AGAP1: variants seen among roughly 807,000 people sequenced by gnomAD.
AGAP1 encodes ArfGAP with GTPase domain, ankyrin repeat and PH domain 1.
A neutral mutation model predicts 105.3 loss-of-function variants in AGAP1; 29 were observed. The observed-to-expected ratio is 0.28, with a 90% CI of 0.21 to 0.38. The LOEUF is 0.38. AGAP1 is among the 10% of genes least tolerant of loss of function. AGAP1 has a pLI of 1.00. For synonymous variants in AGAP1, 509 were observed against 485.9 expected (o/e 1.05, Z -0.63); for missense variants, 998 against 1,165.1 (o/e 0.86, Z 2.09).
chr2:235,688,434 C>G (rs879708799), intron 1 of AGAP1, among the ~76,000 whole-genome samples: 7 of 152,152 alleles, frequency 4.6e-5, no homozygotes, highest in Non-Finnish European at 1.0e-4. Flanking sequence ...CCTCCACTCA[C>G]TCACCTCTCA....
At chr2:235,677,906 C>CAAAAAAAAAAA (rs61111847) in intron 1 of AGAP1, among the ~76,000 whole-genome samples, 1 of 62,998 alleles carries the variant, frequency 1.6e-5, no homozygotes, top group African/African-American at 4.6e-5. Flanking sequence ...AGCTCTTTAC[C>CAAAAAAAAAAA]AAAAAAAAAA....
At chr2:235,783,352 A>G (rs1271745865) in intron 6 of AGAP1, 3 of 471,268 alleles carry the variant, frequency 6.4e-6, no homozygotes, top group Non-Finnish European at 8.8e-6. Context: ...TTAATGTTCT[A>G]AAAGCTCTTT....
chr2:235,595,610 C>T (rs1433147908), intron 1 of AGAP1, among the ~76,000 whole-genome samples: 2 of 152,170 alleles, frequency 1.3e-5, no homozygotes, highest in East Asian at 1.9e-4. Flanking sequence ...TTCCAGCAGC[C>T]ACCAGCAGGT....
At position 235,642,901 on chromosome 2, in the gene AGAP1, G is replaced by A. The variant is rs143349740; in HGVS notation, c.164-66278G>A. Among the ~76,000 whole-genome samples the A allele has an allele frequency of 4.6e-5, 7 of 152,314 alleles. No homozygotes were observed. The East Asian group carries it at 9.7e-4, about 21-fold the overall frequency. ...GGCCTAGACTGTGGTGTTTGGGGCCGCCTGTCTGTAATGTGCTGCCATGAC... is the reference window on the plus strand; with the variant it reads ...GGCCTAGACTGTGGTGTTTGGGGCCACCTGTCTGTAATGTGCTGCCATGAC... On this transcript the variant is annotated intron_variant, in intron 1 of 17. Coordinates refer to ENST00000304032, the MANE Select transcript of AGAP1 (RefSeq NM_001037131.3). The surrounding 1 kb of genome is among the most constrained non-coding windows in gnomAD (Gnocchi z 4.1).
In AGAP1 at chr2:235,750,351, C is replaced by T. The variant is rs1251954683; in HGVS notation, c.539-3C>T. ...GCCGTTACTTTTTGGTCTTCTGTTC[C>T]AGATGCCATAAGTTCTGCTAACCCG... On this transcript the variant is annotated splice_polypyrimidine_tract_variant and splice_region_variant and intron_variant, in intron 5 of 17. Transcript: ENST00000304032. The surrounding 1 kb of genome is among the most constrained non-coding windows in gnomAD (Gnocchi z 5.3). 6.2e-7 allele frequency: 1 copy of T among 1,614,124 alleles called. No individual in the cohort carries two copies.
At chr2:235,657,805 G>T (rs1014114084) in intron 1 of AGAP1, among the ~76,000 whole-genome samples, 30 of 152,156 alleles carry the variant, frequency 2.0e-4, no homozygotes, top group Non-Finnish European at 4.0e-4. Flanking sequence ...TTGGAGACAG[G>T]TTCTTTAAAG....
At chr2:236,111,393 G>A (rs1395014771) in intron 16 of AGAP1, among the ~76,000 whole-genome samples, 1 of 151,970 alleles carries the variant, frequency 6.6e-6, no homozygotes, top group South Asian at 2.1e-4. Context: ...GCACACGCCT[G>A]TAGTTGCAAC....
chr2:235,848,729 A>C (rs762791193), intron 9 of AGAP1, among the ~76,000 whole-genome samples: 30 of 152,362 alleles, frequency 2.0e-4, no homozygotes, highest in Middle Eastern at 3.4e-3. Context: ...TTTTAACAGA[A>C]AGATCAGGTG....
At chr2:236,072,091 T>C (rs899824475) in intron 16 of AGAP1, among the ~76,000 whole-genome samples, 1 of 151,540 alleles carries the variant, frequency 6.6e-6, no homozygotes, top group African/African-American at 2.4e-5. Context: ...TTGTCTCTCC[T>C]GTCTGTTCTC....
At chr2:235,929,452 A>G (rs2052613360) in intron 11 of AGAP1, among the ~76,000 whole-genome samples, 1 of 152,064 alleles carries the variant, frequency 6.6e-6, no homozygotes, top group Admixed American at 6.5e-5. Flanking sequence ...AATTTCCCTT[A>G]TGACGTTCAG....
intron 1 of AGAP1, among the ~76,000 whole-genome samples, chr2:235,708,608 T>C (rs1371367425): frequency 6.6e-6 from 1 of 151,416 alleles, no homozygotes; most frequent in Admixed American, 6.6e-5. Flanking sequence ...GTCAAAACTC[T>C]AGCACCAGAT....
intron 12 of AGAP1, among the ~76,000 whole-genome samples, chr2:235,956,144 C>A (rs2053939515): frequency 6.6e-6 from 1 of 152,106 alleles, no homozygotes; most frequent in South Asian, 2.1e-4. Context: ...ATCTGAGCAC[C>A]CAACTTGAGA....
At chr2:235,898,401 T>TA (rs879776596) in intron 10 of AGAP1, among the ~76,000 whole-genome samples, 178 of 141,562 alleles carry the variant, frequency 1.3e-3, no homozygotes, top group East Asian at 3.2e-3. Flanking sequence ...CTCCCCCATT[T>TA]AAAAAAAAAA....
rs992144690 is a variant in AGAP1, at chr2:235,908,101, G to A, written c.1156-637G>A. Among the ~76,000 whole-genome samples the A allele has an allele frequency of 6.6e-6, 1 of 152,160 alleles. No individual in the cohort carries two copies. The highest frequency in any genetic ancestry group is 1.5e-5 in the Non-Finnish European group (1 of 68,034). The stretch of plus-strand genomic sequence containing the variant: ...GCCCATCAGCCAGTTTCCAGGTAGT[G>A]TTTGACTCCACAGTGAGTTAAGTGA... On this transcript the variant is annotated intron_variant, in intron 10 of 17. Coordinates refer to ENST00000304032, the MANE Select transcript of AGAP1 (RefSeq NM_001037131.3). This position sits in a 1 kb window ranked among gnomAD's most constrained non-coding sequence, Gnocchi z 4.4.
chr2:235,594,334 G>GA (rs1327074555), intron 1 of AGAP1, among the ~76,000 whole-genome samples: 1 of 151,140 alleles, frequency 6.6e-6, no homozygotes, highest in Non-Finnish European at 1.5e-5. Flanking sequence ...TACTGAACCT[G>GA]AAAAACAAAA....
At chr2:235,718,112 A>G (rs1283601179) in intron 3 of AGAP1, among the ~76,000 whole-genome samples, 2 of 152,222 alleles carry the variant, frequency 1.3e-5, no homozygotes, top group Non-Finnish European at 2.9e-5. Flanking sequence ...TAAACATTTA[A>G]TAATCATTTT....
At position 235,623,834 on chromosome 2, in the gene AGAP1, A is replaced by G. The variant is rs75977050; in HGVS notation, c.164-85345A>G. Among the ~76,000 whole-genome samples the G allele has an allele frequency of 0.013, 2,012 of 152,274 alleles. 43 individuals are homozygous for G. Among genetic ancestry groups the G allele is most frequent in the African/African-American group, 0.045 (1,855 of 41,530 alleles). ...TGGAATGCTTAGTATTTGTAATGCA[A>G]CAAAAGGTCAGAATTAATAAGGTGT... is the stretch of plus-strand genomic sequence containing the variant. On this transcript the variant is annotated intron_variant, in intron 1 of 17. Transcript: ENST00000304032. The surrounding 1 kb of genome is among the most constrained non-coding windows in gnomAD (Gnocchi z 4.5).
rs72991128 is a variant in AGAP1 at position 235,997,918 on chromosome 2, G to A, written c.1645+29295G>A. On this transcript the variant is annotated intron_variant, in intron 13 of 17. Coordinates refer to ENST00000304032, the MANE Select transcript of AGAP1 (RefSeq NM_001037131.3). ...CTTCCACGTAGCATTTCGGGGTCTC[G>A]GAGGCTGGTGTTACACATGAAGGGC... Among the ~76,000 whole-genome samples, 1,374 of 152,152 alleles carry A rather than the reference G, an allele frequency of 9.0e-3. 14 individuals carry two copies. The highest frequency in any genetic ancestry group is 0.016 in the Non-Finnish European group (1,087 of 67,992).
Position 235,716,032 on chromosome 2 carries a change from C to T in AGAP1, c.223-1525C>T, listed in dbSNP as rs1951085634. On this transcript the variant is annotated intron_variant, in intron 2 of 17. Coordinates refer to ENST00000304032, the MANE Select transcript of AGAP1 (RefSeq NM_001037131.3). This position sits in a 1 kb window ranked among gnomAD's most constrained non-coding sequence, Gnocchi z 4.0. ...GGGCGCCTGGAGCTGGGGTGGACGG[C>T]GGCCAGGGGATGCGATTTGGGAATA... Among the ~76,000 whole-genome samples the T allele has an allele frequency of 6.6e-6, 1 of 152,304 alleles. No individual in the cohort carries two copies. Among genetic ancestry groups the T allele is most frequent in the South Asian group, 2.1e-4 (1 of 4,826 alleles).
Sources: gnomAD v4.1 joint callset for allele counts (sites outside exome capture counted in the v4.1 genomes callset) on GRCh38, gnomAD v4.1.1 for gene constraint, Gnocchi (gnomAD v3.1) non-coding constraint, MANE v1.5 for transcripts, NCBI Gene and HGNC (gene_info 2026-07-23, HGNC 2026-07-21) for gene names.